GALK2: variants seen among roughly 807,000 people sequenced by gnomAD.
GALK2 encodes N-acetylgalactosamine kinase.
In GALK2, 36 loss-of-function variants were observed where a neutral mutation model predicts 52.4. The ratio of observed to expected loss-of-function variants is 0.69; its 90% confidence interval spans 0.53 to 0.91. The LOEUF (loss-of-function observed/expected upper bound fraction) is 0.91. GALK2 is among the 40% of genes least tolerant of loss of function. The pLI is 0.00. For missense variants in GALK2, 579 were observed against 559.1 expected (o/e 1.04, Z -0.36); for synonymous variants, 176 against 199.1 (o/e 0.88, Z 0.98).
At chr15:49,334,100 T>G (rs111775464), downstream of GALK2, 994 of 180,120 alleles carry the variant, frequency 5.5e-3, 17 homozygotes, top group African/African-American at 0.023. Context: ...TAAAGAAAGT[T>G]AAAATGTTAC....
chr15:49,170,979 GTCTGTC>G (rs2085037459), intron 1 of GALK2, among the ~76,000 whole-genome samples: 1 of 151,894 alleles, frequency 6.6e-6, no homozygotes, highest in Non-Finnish European at 1.5e-5. Flanking sequence ...ATAAAATGAA[GTCTGTC>G]ACCTGCTACA....
At chr15:49,335,609 A>G (rs1028759265), downstream of GALK2, 21 of 666,262 alleles carry the variant, frequency 3.2e-5, 1 homozygote, top group South Asian at 4.0e-4. Context: ...TCAGTAATGA[A>G]GAGTCTCAAG....
At chr15:49,264,995 C>A (rs1053200543) in intron 5 of GALK2, among the ~76,000 whole-genome samples, 5 of 152,210 alleles carry the variant, frequency 3.3e-5, no homozygotes, top group African/African-American at 1.2e-4. Flanking sequence ...TGGGGGGTGC[C>A]TCCCAGTTAG....
intron 3 of GALK2, among the ~76,000 whole-genome samples, chr15:49,355,212 C>T (rs1006762953): frequency 7.9e-5 from 12 of 152,194 alleles, no homozygotes; most frequent in Admixed American, 6.5e-5. Context: ...CGCAGTTCCT[C>T]ACCAGCAAAG....
intron 8 of GALK2, among the ~76,000 whole-genome samples, chr15:49,310,424 A>G (rs578014232): frequency 6.6e-6 from 1 of 152,198 alleles, no homozygotes; most frequent in South Asian, 2.1e-4. Flanking sequence ...GATGAATCAT[A>G]TGGTAGTTCT....
intron 1 of GALK2, 141 bp downstream of exon 1, chr15:49,170,516 C>T (rs1317770364): frequency 9.4e-6 from 7 of 741,770 alleles, no homozygotes; most frequent in Non-Finnish European, 1.5e-5. Flanking sequence ...TATAAGGACA[C>T]GTGGCTGGGC....
intron 2 of GALK2, among the ~76,000 whole-genome samples, chr15:49,205,026 T>G (rs1356030969): frequency 6.6e-6 from 1 of 152,198 alleles, no homozygotes; most frequent in African/African-American, 2.4e-5. Flanking sequence ...CAAATACTGT[T>G]AATTCATTCC....
intron 3 of GALK2, among the ~76,000 whole-genome samples, chr15:49,337,508 C>CTTTTTTTT (rs33973907): frequency 1.4e-4 from 5 of 36,084 alleles, no homozygotes; most frequent in African/African-American, 2.5e-4. Context: ...CATTTACCCA[C>CTTTTTTTT]TTTTTTTTTT....
intron 4 of GALK2, among the ~76,000 whole-genome samples, chr15:49,237,354 A>G (rs1249566590): frequency 6.6e-6 from 1 of 152,234 alleles, no homozygotes; most frequent in Non-Finnish European, 1.5e-5. Context: ...TGAACATGTT[A>G]TCCTTTTGGC....
Position 49,328,600 on chromosome 15 carries a change from CTG to C in GALK2, c.*443_*444del. 3 of 1,595,558 alleles carry C rather than the reference CTG, an allele frequency of 1.9e-6. No individual in the cohort carries two copies. The highest frequency in any genetic ancestry group is 2.6e-6 in the Non-Finnish European group (3 of 1,167,948). On this transcript the variant is annotated 3_prime_UTR_variant, in exon 10 of 10. Transcript: ENST00000560031. ...TCTTCTTCCTCAAAGTTGTAGTTGT[CTG>C]TTGATGATGGTGATGATGATGATGA...
At chr15:49,363,710 A>G (rs1253545553) in intron 3 of GALK2, among the ~76,000 whole-genome samples, 2 of 152,116 alleles carry the variant, frequency 1.3e-5, no homozygotes, top group Admixed American at 6.5e-5. Context: ...CTGGTTTCCA[A>G]GGTGAATACT....
chr15:49,351,758 TA>T (rs1351233021), intron 3 of GALK2, among the ~76,000 whole-genome samples: 6 of 95,856 alleles, frequency 6.3e-5, no homozygotes, highest in Non-Finnish European at 1.5e-4. Context: ...CAGCTGACCC[TA>T]TAAGGGAGGT....
Position 49,360,637 on chromosome 15 carries a change from G to A in GALK2, c.427-6854G>A, listed in dbSNP as rs929797940. On this transcript the variant is annotated intron_variant, in intron 3 of 3. Transcript: ENST00000558399. Reference sequence around the variant, plus strand: ...TTTATCCAAGATTCTGCAGTTTAAAGATATACCATGCATTCAGCTCTAAAT... The same window carrying A: ...TTTATCCAAGATTCTGCAGTTTAAAAATATACCATGCATTCAGCTCTAAAT... 6.6e-5 allele frequency among the ~76,000 whole-genome samples: 10 copies of A among 152,206 alleles called. No individual in the cohort carries two copies. The South Asian group carries it at 1.5e-3, about 22-fold the overall frequency.
intron 1 of GALK2, chr15:49,177,618 G>C (rs761597602): frequency 9.3e-5 from 18 of 194,320 alleles, no homozygotes; most frequent in Non-Finnish European, 1.8e-4. Flanking sequence ...TAACGGTGGA[G>C]TTGGAGAGTA....
intron 8 of GALK2, among the ~76,000 whole-genome samples, chr15:49,311,455 C>T (rs993164513): frequency 7.9e-5 from 12 of 152,190 alleles, no homozygotes; most frequent in African/African-American, 2.9e-4. Flanking sequence ...TCTTTATCCT[C>T]TTTTCATGCT....
chr15:49,262,177 G>A (rs199794839), intron 5 of GALK2, among the ~76,000 whole-genome samples: 14,075 of 151,718 alleles, frequency 0.093, 1,965 homozygotes, highest in African/African-American at 0.31. Context: ...GGTAGAATTC[G>A]GCTGTGAATC....
chr15:49,331,525 G>A lies in GALK2; in HGVS notation c.*3366G>A, dbSNP rs886397596. 6 of 408,490 alleles carry A rather than the reference G, an allele frequency of 1.5e-5. No individual in the cohort carries two copies. Among genetic ancestry groups the A allele is most frequent in the African/African-American group, 1.0e-4 (5 of 49,372 alleles). The allele number at this position is 408,490 out of a possible 1,614,324, so 25.3% of individuals were successfully genotyped here. ...TGATTATTAGTTTGTAATTCTAACT[G>A]CATTTGGAGCTTTTCAGTTACATAA... On this transcript the variant is annotated 3_prime_UTR_variant, in exon 10 of 10. Transcript: ENST00000560031.
At chr15:49,250,077 G>A (rs1169996630) in intron 5 of GALK2, among the ~76,000 whole-genome samples, 1 of 152,146 alleles carries the variant, frequency 6.6e-6, no homozygotes, top group African/African-American at 2.4e-5. Context: ...TCCTTTGTTT[G>A]GTGTACTCTT....
chr15:49,328,915 A>G lies in GALK2; in HGVS notation c.*756A>G, dbSNP rs1237342430. On this transcript the variant is annotated 3_prime_UTR_variant, in exon 10 of 10. Transcript: ENST00000560031. ...TCTCCATTACTTAATAGAAAAACTT[A>G]GATAAAAAACACTTTAAGACTCTTC... The G allele has an allele frequency of 7.3e-6, 9 of 1,225,950 alleles. No individual in the cohort carries two copies. The highest frequency in any genetic ancestry group is 9.2e-6 in the Non-Finnish European group (9 of 976,064). 75.9% of individuals were successfully genotyped at this position (1,225,950 alleles called of 1,614,324 possible).
Sources: allele counts gnomAD v4.1 joint callset (sites outside exome capture counted in the v4.1 genomes callset), GRCh38; gene constraint gnomAD v4.1.1; transcripts MANE v1.5; gene names NCBI Gene and HGNC (gene_info 2026-07-23, HGNC 2026-07-21).